The following PRKAG2 variants were observed in gnomAD, a reference collection of about 807,000 sequenced individuals.
The protein encoded by PRKAG2 is 5'-AMP-activated protein kinase subunit gamma-2.
A neutral mutation model predicts 69.6 loss-of-function variants in PRKAG2; 26 were observed. That is an observed-to-expected ratio of 0.37 (90% CI 0.27 to 0.52). PRKAG2 has a LOEUF of 0.52. Among genes scored for constraint, PRKAG2 ranks in the 20% least tolerant of loss-of-function variants. PRKAG2 has a pLI of 0.90. For synonymous variants in PRKAG2, 293 were observed against 285.0 expected (o/e 1.03, Z -0.28); for missense variants, 557 against 740.0 (o/e 0.75, Z 2.87).
At chr7:151,827,761 A>AC (rs2078937256) in intron 1 of PRKAG2, among the ~76,000 whole-genome samples, 1 of 149,594 alleles carries the variant, frequency 6.7e-6, no homozygotes, top group Non-Finnish European at 1.5e-5. Flanking sequence ...AAAAAAAAAA[A>AC]AAAAAAAAAA....
At chr7:151,635,074 T>G (rs1671001942) in intron 4 of PRKAG2, among the ~76,000 whole-genome samples, 2 of 151,712 alleles carry the variant, frequency 1.3e-5, no homozygotes, top group Non-Finnish European at 2.9e-5. Flanking sequence ...CTCAGCCTCC[T>G]GAGTAGCTAG....
In PRKAG2 at chr7:151,596,933, A is replaced by G. The variant is rs111868185; in HGVS notation, c.755-1479T>C. Among the ~76,000 whole-genome samples the G allele has an allele frequency of 5.9e-3, 892 of 152,252 alleles. 8 individuals carry two copies. The highest frequency in any genetic ancestry group is 9.1e-3 in the Non-Finnish European group (619 of 68,018). On this transcript the variant is annotated intron_variant, in intron 5 of 15. Coordinates refer to ENST00000287878, the MANE Select transcript of PRKAG2 (RefSeq NM_016203.4). ...CGCAGGACAAGAAAAAAAAAATCCT[A>G]ACATTTGTATAGAACCACAAAGGAC...
At chr7:151,751,350 G>A (rs1169249867) in intron 3 of PRKAG2, among the ~76,000 whole-genome samples, 1 of 151,850 alleles carries the variant, frequency 6.6e-6, no homozygotes, top group Non-Finnish European at 1.5e-5. Context: ...TCCTGACCTC[G>A]TGATCTGCCT....
intron 3 of PRKAG2, 117 bp from the exon 4 acceptor site, chr7:151,675,754 C>A: frequency 1.0e-6 from 1 of 1,004,538 alleles, no homozygotes; most frequent in Non-Finnish European, 1.6e-6. Context: ...GTCCGGCCTC[C>A]AGGAAGGGAC....
At chr7:151,773,015 AAGAAAGAAAGAGAGAG>A (rs1452254563) in intron 3 of PRKAG2, among the ~76,000 whole-genome samples, 10 of 18,920 alleles carry the variant, frequency 5.3e-4, no homozygotes, top group African/African-American at 3.2e-3. Flanking sequence ...GAAAGAAAGA[AAGAAAGAAAGAGAGAG>A]AGAGAGAGAG....
chr7:151,566,435 A>G (rs1471010556), intron 11 of PRKAG2: 1 of 291,222 alleles, frequency 3.4e-6, no homozygotes, highest in Non-Finnish European at 6.8e-6. Context: ...CAAAGAAGCC[A>G]GCTGAACAGA....
intron 3 of PRKAG2, among the ~76,000 whole-genome samples, chr7:151,703,845 A>AC (rs1838124915): frequency 1.1e-5 from 1 of 88,494 alleles, no homozygotes; most frequent in African/African-American, 4.6e-5. Context: ...TTTACTGGAA[A>AC]ACACACACAC....
chr7:151,837,902 G>A (rs1214267737), intron 1 of PRKAG2, among the ~76,000 whole-genome samples: 2 of 152,200 alleles, frequency 1.3e-5, no homozygotes, highest in Non-Finnish European at 2.9e-5. Context: ...GCCGGGATCT[G>A]AGCAGACAGT....
chr7:151,815,501 A>G (rs1347881985), intron 1 of PRKAG2, among the ~76,000 whole-genome samples: 2 of 152,206 alleles, frequency 1.3e-5, no homozygotes, highest in African/African-American at 4.8e-5. Context: ...AGCTAGGGAC[A>G]GCCCCTGTAC....
At chr7:151,783,376 GTC>G (rs2076829608) in intron 2 of PRKAG2, among the ~76,000 whole-genome samples, 1 of 152,126 alleles carries the variant, frequency 6.6e-6, no homozygotes, top group African/African-American at 2.4e-5. Flanking sequence ...GTCTCCCTCT[GTC>G]GCTCAAGGCT....
At chr7:151,564,280 C>G in intron 13 of PRKAG2, 56 bp from the exon 14 acceptor site, 1 of 1,588,834 alleles carries the variant, frequency 6.3e-7, no homozygotes, top group Admixed American at 1.7e-5. Flanking sequence ...ACTTCAATGA[C>G]CAAAATTAGT....
intron 1 of PRKAG2, among the ~76,000 whole-genome samples, chr7:151,856,753 C>T (rs939745508): frequency 2.6e-5 from 4 of 152,160 alleles, no homozygotes; most frequent in African/African-American, 7.2e-5. Flanking sequence ...CACCGGAGCA[C>T]GGTCACCTGT....
At chr7:151,784,301 G>T (rs2151812141) in intron 2 of PRKAG2, among the ~76,000 whole-genome samples, 1 of 152,318 alleles carries the variant, frequency 6.6e-6, no homozygotes, top group Admixed American at 6.5e-5. Flanking sequence ...ACAGCATAGG[G>T]AGCTTGCTGG....
chr7:151,648,371 G>A (rs984437403), intron 4 of PRKAG2, among the ~76,000 whole-genome samples: 5 of 152,076 alleles, frequency 3.3e-5, no homozygotes, highest in South Asian at 4.1e-4. Context: ...TCCTTGTACC[G>A]CCTGAAAGCA....
chr7:151,616,801 C>T (rs7801887), intron 5 of PRKAG2, among the ~76,000 whole-genome samples: 3,504 of 152,200 alleles, frequency 0.023, 136 homozygotes, highest in African/African-American at 0.08. Context: ...TCTAGGAAGA[C>T]GTAATAGCAT....
In PRKAG2 at chr7:151,865,766, T is replaced by G. The variant is rs111583464; in HGVS notation, c.114+10741A>C. Among the ~76,000 whole-genome samples the G allele has an allele frequency of 8.9e-3, 1,355 of 152,252 alleles. 25 individuals are homozygous for G. The highest frequency in any genetic ancestry group is 0.027 in the African/African-American group (1,136 of 41,550). ...CGGGCGCAGTGGCTCACGCCTGTAA[T>G]CCCAGCACTTTGGGAGGCCAAGGCG... On this transcript the variant is annotated intron_variant, in intron 1 of 15. Transcript: ENST00000287878.
At chr7:151,715,010 A>G (rs1447520380) in intron 3 of PRKAG2, among the ~76,000 whole-genome samples, 1 of 108,688 alleles carries the variant, frequency 9.2e-6, no homozygotes, top group Non-Finnish European at 1.9e-5. Flanking sequence ...CTACCCAATT[A>G]AAAGCAATTT....
Position 151,781,531 on chromosome 7 carries a change from C to G in PRKAG2, c.187-100G>C. The G allele has an allele frequency of 7.2e-7, 1 of 1,390,912 alleles. No individual in the cohort carries two copies. The highest frequency in any genetic ancestry group is 1.4e-5 in the African/African-American group (1 of 70,134). The allele number at this position is 1,390,912 out of a possible 1,614,324, so 86.2% of individuals were successfully genotyped here. On this transcript the variant is annotated intron_variant, in intron 2 of 15. Transcript: ENST00000287878. This position sits in a 1 kb window ranked among gnomAD's most constrained non-coding sequence, Gnocchi z 6.1. ...ATCATTGTCCTCTCTCACATGCGGG[C>G]CCCCCATAGTACCCTCCCAGAGAAA...
At chr7:151,683,063 C>G (rs1176918525) in intron 3 of PRKAG2, among the ~76,000 whole-genome samples, 1 of 152,242 alleles carries the variant, frequency 6.6e-6, no homozygotes, top group Non-Finnish European at 1.5e-5. Context: ...ACGCCGCCAG[C>G]CTCTGCAGTG....
Sources: gnomAD v4.1 joint callset for allele counts (sites outside exome capture counted in the v4.1 genomes callset) on GRCh38, gnomAD v4.1.1 for gene constraint, Gnocchi (gnomAD v3.1) non-coding constraint, MANE v1.5 for transcripts, NCBI Gene and HGNC (gene_info 2026-07-23, HGNC 2026-07-21) for gene names.